BRCA1: variants seen among roughly 807,000 people sequenced by gnomAD.
BRCA1 encodes the protein breast cancer type 1 susceptibility protein.
Under a neutral mutation model 173.7 loss-of-function variants are expected in BRCA1, and 140 were observed. The ratio of observed to expected loss-of-function variants is 0.81; its 90% CI spans 0.70 to 0.93. BRCA1 has a LOEUF of 0.93. Among genes scored for constraint, BRCA1 ranks in the 40% least tolerant of loss-of-function variants. BRCA1 has a pLI of 0.00. For missense variants in BRCA1, 1,983 were observed against 2,172.5 expected (o/e 0.91, Z 1.73); for synonymous variants, 662 against 756.0 (o/e 0.88, Z 2.04).
At chr17:43,098,030 C>G (rs1218133593) in intron 7 of BRCA1, among the ~76,000 whole-genome samples, 1 of 135,268 alleles carries the variant, frequency 7.4e-6, no homozygotes, top group South Asian at 2.3e-4. Context: ...CTCAGCAGCT[C>G]TTTTTTTTTT....
chr17:43,168,230 CA>C, intron 1 of BRCA1: 1 of 425,906 alleles, frequency 2.3e-6, no homozygotes, highest in Non-Finnish European at 4.8e-6. Flanking sequence ...TTCTTCAACG[CA>C]AACAGCAGAT....
intron 1 of BRCA1, among the ~76,000 whole-genome samples, chr17:43,136,041 C>G (rs1313027337): frequency 6.6e-6 from 1 of 152,210 alleles, no homozygotes; most frequent in East Asian, 1.9e-4. Flanking sequence ...GCCTGTAATT[C>G]CAGTACTTTG....
At chr17:43,080,168 A>T in intron 12 of BRCA1, among the ~76,000 whole-genome samples, 1 of 152,154 alleles carries the variant, frequency 6.6e-6, no homozygotes, top group East Asian at 1.9e-4. Flanking sequence ...TTCTTTGTGG[A>T]TAGGAAGTAT....
intron 1 of BRCA1, among the ~76,000 whole-genome samples, chr17:43,169,114 A>T (rs1378022233): frequency 6.6e-6 from 1 of 152,050 alleles, no homozygotes; most frequent in South Asian, 2.1e-4. Context: ...TCCCCTTCCC[A>T]GACATATTCC....
In BRCA1 at chr17:43,092,186, T is replaced by G. The variant is rs876658243; in HGVS notation, c.3345A>C (p.Glu1115Asp). ...AATCTGTATTAACAGTCTGAACTAC[T>G]TCTTCATATTCTTGCTTTTTTATTT... The part of the protein sequence containing the change: ...HPEIKKQEYE[E>D]VVQTVNTDFS... Residue 1115 changes from glutamate (E) to aspartate (D), a missense_variant, in exon 10 of 23, where the codon GAA becomes GAC. Transcript: ENST00000357654. 6.2e-7 allele frequency: 1 copy of G among 1,613,080 alleles called. No homozygotes were observed. Among genetic ancestry groups the G allele is most frequent in the African/African-American group, 1.3e-5 (1 of 74,916 alleles).
chr17:43,067,501 G>A lies in BRCA1; in HGVS notation c.5074+107C>T, dbSNP rs373676607. On this transcript the variant is annotated intron_variant, in intron 16 of 22. Transcript: ENST00000357654. ...GATCTCCTAATCTCGTGATCTGCCC[G>A]CCTCGGCCTCCCAAAGTGCTGCGAT... 1.7e-4 allele frequency: 148 copies of A among 849,520 alleles called. 1 individual carries two copies. Among genetic ancestry groups the A allele is most frequent in the Non-Finnish European group, 2.7e-4 (136 of 509,298 alleles). 52.6% of individuals were successfully genotyped at this position (849,520 alleles called of 1,614,324 possible). A position where few individuals can be genotyped will look rare whatever the true frequency, so the allele number is the denominator to read the frequency against.
intron 1 of BRCA1, among the ~76,000 whole-genome samples, chr17:43,140,642 C>A (rs1266423547): frequency 6.6e-6 from 1 of 152,170 alleles, no homozygotes; most frequent in Non-Finnish European, 1.5e-5. Context: ...CCTTTCCAGC[C>A]GACCAAGAGC....
rs1288122295 is a variant in BRCA1, at chr17:43,160,042, AT to A, written c.-20+10083del. 7.5e-3 allele frequency: 1,037 copies of A among 137,558 alleles called. 2 individuals are homozygous for A. The highest frequency in any genetic ancestry group is 0.017 in the African/African-American group (640 of 37,572). 8.5% of individuals were successfully genotyped at this position (137,558 alleles called of 1,614,324 possible). Reference sequence around the variant, plus strand: ...CCCTCCATGACACCAACCATCCATGATTTTTTTTTTTTTTTTTGAGACGGAG... The same window carrying A: ...CCCTCCATGACACCAACCATCCATGATTTTTTTTTTTTTTTTGAGACGGAG... On this transcript the variant is annotated intron_variant, in intron 1 of 7. Coordinates refer to the BRCA1 transcript ENST00000634433.
chr17:43,069,727 G>A (rs1308987031), intron 15 of BRCA1, among the ~76,000 whole-genome samples: 1 of 152,172 alleles, frequency 6.6e-6, no homozygotes, highest in South Asian at 2.1e-4. Flanking sequence ...TTTTAGTAGT[G>A]GGATACATCT....
intron 1 of BRCA1, among the ~76,000 whole-genome samples, chr17:43,136,542 A>G (rs913000708): frequency 2.0e-5 from 3 of 152,240 alleles, no homozygotes; most frequent in African/African-American, 4.8e-5. Context: ...CCATCTGACA[A>G]AGGGCTAATA....
At chr17:43,094,924 T>C in intron 9 of BRCA1, 64 bp from the exon 10 acceptor site, 2 of 1,444,478 alleles carry the variant, frequency 1.4e-6, no homozygotes. Flanking sequence ...AATACATACT[T>C]CATACACCTT....
chr17:43,103,466 C>CA (rs900598227), intron 6 of BRCA1, among the ~76,000 whole-genome samples: 2,039 of 64,348 alleles, frequency 0.032, 33 homozygotes, highest in Middle Eastern at 0.078. Context: ...GACTCTGTCT[C>CA]AAAAAAAAAA....
intron 1 of BRCA1, among the ~76,000 whole-genome samples, chr17:43,152,019 A>C (rs2056165127): frequency 6.6e-6 from 1 of 152,242 alleles, no homozygotes; most frequent in Non-Finnish European, 1.5e-5. Context: ...AACACCCTGG[A>C]ATAGGTAATA....
At chr17:43,062,894 A>T (rs1175882761) in intron 18 of BRCA1, among the ~76,000 whole-genome samples, 1 of 148,176 alleles carries the variant, frequency 6.7e-6, no homozygotes, top group East Asian at 2.0e-4. Context: ...ACTGCACCCG[A>T]TTTTTTTTTT....
Position 43,093,978 on chromosome 17 carries a change from A to G in BRCA1, c.1553T>C (p.Ile518Thr), listed in dbSNP as rs1567799193. The G allele has an allele frequency of 6.2e-7, 1 of 1,613,670 alleles. No individual in the cohort carries two copies. Among genetic ancestry groups the G allele is most frequent in the Non-Finnish European group, 8.5e-7 (1 of 1,179,892 alleles). The change falls in exon 10 of 23, where the codon ATC (isoleucine) becomes ACC (threonine). Residue 518 changes from isoleucine to threonine, a missense_variant. Transcript: ENST00000357654. ...TTGAACTGCCAAATCTGCTTTCTTG[A>G]TAAAATCCTCAGGATGAAGGCCTGA... ...PTSGLHPEDF[I>T]KKADLAVQKT...
At chr17:43,125,443 A>C (rs113323025), upstream of BRCA1, 3 of 362,728 alleles carry the variant, frequency 8.3e-6, no homozygotes, top group South Asian at 4.0e-5. Context: ...CCAAGGGGCT[A>C]CCGCTAAGCA....
Position 43,100,574 on chromosome 17 carries a change from C to CAT in BRCA1, c.442-696_442-695dup, listed in dbSNP as rs200639029. Reference sequence around the variant, plus strand: ...TGTGTGTGTGTATATATATATATAACATATATATAACATATATATATTATA... The same window carrying CAT: ...TGTGTGTGTGTATATATATATATAACATATATATATAACATATATATATTATA... On this transcript the variant is annotated intron_variant, in intron 6 of 22. Coordinates refer to ENST00000357654, the MANE Select transcript of BRCA1 (RefSeq NM_007294.4). Among the ~76,000 whole-genome samples, 8,644 of 55,670 alleles carry CAT rather than the reference C, an allele frequency of 0.16. 1,604 individuals carry two copies. The highest frequency in any genetic ancestry group is 0.35 in the South Asian group (646 of 1,834). 36.5% of individuals were successfully genotyped at this position (55,670 alleles called of 152,430 possible).
intron 1 of BRCA1, chr17:43,162,441 A>T (rs1178896609): frequency 6.6e-6 from 1 of 152,146 alleles, no homozygotes; most frequent in Non-Finnish European, 1.5e-5. Flanking sequence ...ACCAGTCCTC[A>T]GTCCTTAATC....
At chr17:43,056,486 C>T (rs2051462738) in intron 19 of BRCA1, among the ~76,000 whole-genome samples, 1 of 152,016 alleles carries the variant, frequency 6.6e-6, no homozygotes, top group Non-Finnish European at 1.5e-5. Flanking sequence ...GCCCAGTGAA[C>T]ATTATATAAA....
Sources: allele counts gnomAD v4.1 joint callset (sites outside exome capture counted in the v4.1 genomes callset), GRCh38; gene constraint gnomAD v4.1.1; transcripts MANE v1.5; gene names NCBI Gene and HGNC (gene_info 2026-07-23, HGNC 2026-07-21).